The following SGK1 variants were observed in gnomAD, a reference collection of about 807,000 sequenced individuals.
The protein encoded by SGK1 is serum/glucocorticoid regulated kinase 1.
In SGK1, 26 loss-of-function variants were observed where a neutral mutation model predicts 64.2. The ratio of observed to expected loss-of-function variants is 0.40; its 90% CI spans 0.30 to 0.56. The LOEUF (loss-of-function observed/expected upper bound fraction) is 0.56, where lower values mean the gene tolerates loss of function less well. SGK1 is among the 20% of genes least tolerant of loss of function. The pLI is 0.38. For missense variants in SGK1, 519 were observed against 645.6 expected (o/e 0.80, Z 2.12); for synonymous variants, 265 against 239.7 (o/e 1.11, Z -0.98).
chr6:134,195,918 C>T (rs559246431), intron 3 of SGK1, among the ~76,000 whole-genome samples: 11 of 152,250 alleles, frequency 7.2e-5, no homozygotes, highest in African/African-American at 2.6e-4. Flanking sequence ...AAAATGCATT[C>T]TTCTTTCAAA....
intron 1 of SGK1, among the ~76,000 whole-genome samples, chr6:134,263,049 G>A (rs561847563): frequency 6.6e-6 from 1 of 152,098 alleles, no homozygotes; most frequent in South Asian, 2.1e-4. Context: ...CAATGTTCAA[G>A]TACTTTGCCT....
chr6:134,246,293 CA>C (rs1434145967), intron 2 of SGK1, among the ~76,000 whole-genome samples: 2 of 151,290 alleles, frequency 1.3e-5, no homozygotes, highest in African/African-American at 4.8e-5. Context: ...GGATTACAGG[CA>C]TGTGCCACCC....
intron 1 of SGK1, among the ~76,000 whole-genome samples, chr6:134,307,189 G>A (rs1252759288): frequency 6.6e-6 from 1 of 152,168 alleles, no homozygotes; most frequent in African/African-American, 2.4e-5. Flanking sequence ...ATAATAATTA[G>A]CAATGGCTTC....
chr6:134,258,811 A>AAAAAT (rs144441175), intron 2 of SGK1, among the ~76,000 whole-genome samples: 7,597 of 152,032 alleles, frequency 0.05, 294 homozygotes, highest in Non-Finnish European at 0.073. Context: ...TGTCTCCACA[A>AAAAAT]AAAATAAAAT....
intron 1 of SGK1, among the ~76,000 whole-genome samples, chr6:134,316,171 C>G (rs537405884): frequency 6.6e-6 from 1 of 152,290 alleles, no homozygotes; most frequent in Admixed American, 6.5e-5. Flanking sequence ...TGCTTGGGAG[C>G]CTTCGCTGGC....
intron 1 of SGK1, among the ~76,000 whole-genome samples, chr6:134,310,424 C>A (rs953601658): frequency 2.0e-5 from 3 of 152,190 alleles, no homozygotes; most frequent in African/African-American, 7.2e-5. Context: ...ACTCCCTCAT[C>A]CAAACTCTCT....
At position 134,316,856 on chromosome 6, in the gene SGK1, G is replaced by A. The variant is rs572541073; in HGVS notation, c.69+536C>T. 2.7e-5 allele frequency among the ~76,000 whole-genome samples: 4 copies of A among 150,798 alleles called. No homozygotes were observed. The East Asian group carries it at 5.9e-4, about 22-fold the overall frequency. ...GCTGGATTCCATCATTTCTGTAAAA[G>A]GTCATTCTACTCCTTTGCTATTTAT... On this transcript the variant is annotated intron_variant, in intron 1 of 13. Coordinates refer to ENST00000367858, the MANE Select transcript of SGK1 (RefSeq NM_001143676.3).
At chr6:134,229,040 T>TA (rs1206112459) in intron 2 of SGK1, among the ~76,000 whole-genome samples, 1 of 152,172 alleles carries the variant, frequency 6.6e-6, no homozygotes. Context: ...AGACGGGGTT[T>TA]CACCGTGGTC....
intron 3 of SGK1, among the ~76,000 whole-genome samples, chr6:134,191,673 GTT>G (rs781544198): frequency 2.8e-5 from 4 of 141,018 alleles, no homozygotes; most frequent in South Asian, 2.3e-4. Flanking sequence ...TTTTGTTTTT[GTT>G]TTTTTTTTTT....
Position 134,217,628 on chromosome 6 carries a change from G to A in SGK1, c.286-10197C>T, listed in dbSNP as rs537939955. On this transcript the variant is annotated intron_variant, in intron 2 of 13. Coordinates refer to ENST00000367858, the MANE Select transcript of SGK1 (RefSeq NM_001143676.3). ...AGTTTGCAAATTTGGTACATCAACC[G>A]CCACGCTCATAAAGATGATGGTTTG... Among the ~76,000 whole-genome samples, 6 of 152,294 alleles carry A rather than the reference G, an allele frequency of 3.9e-5. No individual in the cohort carries two copies. In the South Asian group the frequency reaches 6.2e-4, roughly 16 times the overall value.
chr6:134,255,996 T>C (rs868367248), intron 2 of SGK1, among the ~76,000 whole-genome samples: 8 of 152,184 alleles, frequency 5.3e-5, no homozygotes, highest in African/African-American at 9.6e-5. Context: ...AATATTTCCA[T>C]GTTATGTTAA....
At chr6:134,210,811 C>CAAAA (rs60820086) in intron 2 of SGK1, among the ~76,000 whole-genome samples, 2 of 50,804 alleles carry the variant, frequency 3.9e-5, no homozygotes, top group African/African-American at 6.6e-5. Context: ...GACTCCGTCT[C>CAAAA]AAAAAAAAAA....
At chr6:134,176,557 G>A (rs918021604) in intron 3 of SGK1, among the ~76,000 whole-genome samples, 2 of 152,186 alleles carry the variant, frequency 1.3e-5, no homozygotes, top group Non-Finnish European at 2.9e-5. Flanking sequence ...CCCGGAGCGG[G>A]CAGTTACAAG....
intron 2 of SGK1, among the ~76,000 whole-genome samples, chr6:134,254,174 A>C (rs1776647491): frequency 6.6e-6 from 1 of 151,792 alleles, no homozygotes; most frequent in Non-Finnish European, 1.5e-5. Context: ...TAGCTAATAA[A>C]GGCAAAAAGA....
intron 2 of SGK1, among the ~76,000 whole-genome samples, chr6:134,243,014 AAT>A (rs1400690551): frequency 4.6e-5 from 7 of 151,836 alleles, no homozygotes; most frequent in African/African-American, 1.5e-4. Flanking sequence ...AGAAAATAAA[AAT>A]AGATATTTCA....
At chr6:134,272,871 C>G (rs1168864297) in intron 1 of SGK1, among the ~76,000 whole-genome samples, 1 of 148,330 alleles carries the variant, frequency 6.7e-6, no homozygotes, top group East Asian at 2.4e-4. Flanking sequence ...ATAGACATTT[C>G]TCTGTGCTTA....
chr6:134,259,991 TGCATG>T (rs1240275215), intron 2 of SGK1: 1 of 152,214 alleles, frequency 6.6e-6, no homozygotes, highest in Non-Finnish European at 1.5e-5. Flanking sequence ...GATTTATATT[TGCATG>T]GCATTCTATA....
intron 2 of SGK1, among the ~76,000 whole-genome samples, chr6:134,228,917 C>G (rs1162453644): frequency 6.8e-6 from 1 of 147,144 alleles, no homozygotes; most frequent in African/African-American, 2.5e-5. Context: ...GATCTCCGTT[C>G]ACTGCAAGCT....
chr6:134,294,141 C>G (rs1582768863), intron 1 of SGK1, among the ~76,000 whole-genome samples: 1 of 152,190 alleles, frequency 6.6e-6, no homozygotes, highest in Non-Finnish European at 1.5e-5. Context: ...CCTCTGATCC[C>G]TTGGTCCTTC....
Sources: gnomAD v4.1 joint callset for allele counts (sites outside exome capture counted in the v4.1 genomes callset) on GRCh38, gnomAD v4.1.1 for gene constraint, MANE v1.5 for transcripts, NCBI Gene and HGNC (gene_info 2026-07-23, HGNC 2026-07-21) for gene names.